Variants in CARNMT1 observed in about 807,000 individuals in gnomAD.
The protein encoded by CARNMT1 is carnosine N-methyltransferase 1, also known as protein-L-histidine N-pros-methyltransferase CARNMT1.
A neutral mutation model predicts 49.6 loss-of-function variants in CARNMT1; 28 were observed. The ratio of observed to expected loss-of-function variants is 0.56; its 90% CI spans 0.42 to 0.77. The LOEUF is 0.77. Among genes scored for constraint, CARNMT1 ranks in the 30% least tolerant of loss-of-function variants. The pLI is 0.00. For synonymous variants in CARNMT1, 178 were observed against 175.0 expected, an observed-to-expected ratio of 1.02 and a Z score of -0.13; for missense variants, 421 against 512.6, an observed-to-expected ratio of 0.82 and a Z score of 1.73.
intron 3 of CARNMT1, among the ~76,000 whole-genome samples, chr9:75,014,740 G>A (rs985163054): frequency 1.3e-5 from 2 of 152,066 alleles, no homozygotes; most frequent in African/African-American, 2.4e-5. Flanking sequence ...CCAGCTACTC[G>A]GGAGGCTGAG....
chr9:75,015,242 T>C (rs1349990545), intron 3 of CARNMT1, among the ~76,000 whole-genome samples: 1 of 152,216 alleles, frequency 6.6e-6, no homozygotes, highest in African/African-American at 2.4e-5. Context: ...TAGCAATACC[T>C]ATGACTTTAT....
chr9:75,007,431 A>G (rs1833542841), intron 3 of CARNMT1, among the ~76,000 whole-genome samples: 1 of 152,082 alleles, frequency 6.6e-6, no homozygotes, highest in Non-Finnish European at 1.5e-5. Context: ...ACCTTTAGAA[A>G]ACTTTAAGAA....
At chr9:75,015,943 T>C (rs1357854080) in intron 3 of CARNMT1, 5 of 188,200 alleles carry the variant, frequency 2.7e-5, no homozygotes, top group East Asian at 1.4e-4. Context: ...TTTACAACTA[T>C]GTCATAATGA....
intron 3 of CARNMT1, chr9:75,009,743 T>C (rs1342673879): frequency 2.0e-5 from 3 of 152,070 alleles, no homozygotes; most frequent in East Asian, 3.8e-4. Flanking sequence ...TTTTTTCTGG[T>C]CATTAATATT....
intron 1 of CARNMT1, among the ~76,000 whole-genome samples, chr9:75,018,346 G>A (rs963344426): frequency 1.3e-5 from 2 of 152,100 alleles, no homozygotes; most frequent in African/African-American, 4.8e-5. Context: ...TTACAGACAT[G>A]AGCCACCATG....
chr9:74,987,856 T>C (rs1359176688), intron 6 of CARNMT1, among the ~76,000 whole-genome samples: 2 of 152,022 alleles, frequency 1.3e-5, no homozygotes, highest in African/African-American at 4.8e-5. Context: ...TAATTTGATA[T>C]GGGGAAAATT....
rs369323445 is a variant in CARNMT1, at chr9:75,017,433, C to T, written c.246G>A (p.Glu82=). ...ACTGTCTTTCTGTTCGGTTCACCCG[C>T]TCATGCATACTGGTGCTAAAACATA... ...AFRYYGTSMH[E]RVNRTERQFR... Residue 82 remains glutamate (E), a synonymous_variant, in exon 2 of 8, where the codon GAG becomes GAA. Coordinates refer to ENST00000376834, the MANE Select transcript of CARNMT1 (RefSeq NM_152420.3). The T allele has an allele frequency of 1.9e-6, 3 of 1,613,640 alleles. No homozygotes were observed. Among genetic ancestry groups the T allele is most frequent in the Non-Finnish European group, 2.5e-6 (3 of 1,179,868 alleles).
At chr9:75,027,056 C>G in intron 1 of CARNMT1, 1 of 1,303,640 alleles carries the variant, frequency 7.7e-7, no homozygotes, top group South Asian at 1.2e-5. Flanking sequence ...GGTTTACCTG[C>G]GTAGGAGGTC....
chr9:75,008,598 G>A lies in CARNMT1; in HGVS notation c.590+7670C>T, dbSNP rs552401542. On this transcript the variant is annotated intron_variant, in intron 3 of 7. Coordinates refer to ENST00000376834, the MANE Select transcript of CARNMT1 (RefSeq NM_152420.3). ...TGGGATTACAGGCATGAGCCACCAC[G>A]CCTGGCCACATATGAATAAATCTAA... 1.4e-4 allele frequency among the ~76,000 whole-genome samples: 22 copies of A among 152,226 alleles called. No homozygotes were observed. In the East Asian group the frequency reaches 3.3e-3, roughly 23 times the overall value.
chr9:74,991,843 A>G lies in CARNMT1; in HGVS notation c.1024+4604T>C, dbSNP rs188680505. ...TACCCCAACTTCTAAAAACTGGCAC[A>G]TTATTTTGTCCCCCAGTAACATGCC... On this transcript the variant is annotated intron_variant, in intron 6 of 7. Coordinates refer to ENST00000376834, the MANE Select transcript of CARNMT1 (RefSeq NM_152420.3). 5.9e-5 allele frequency among the ~76,000 whole-genome samples: 9 copies of G among 152,210 alleles called. No individual in the cohort carries two copies. The East Asian group carries it at 1.2e-3, about 20-fold the overall frequency.
chr9:74,984,159 T>C (rs1037761422), intron 7 of CARNMT1, among the ~76,000 whole-genome samples: 1 of 152,198 alleles, frequency 6.6e-6, no homozygotes, highest in African/African-American at 2.4e-5. Context: ...GTTTCTAAAA[T>C]GGAATGCTTC....
chr9:74,985,395 G>A (rs1832803136), intron 6 of CARNMT1, among the ~76,000 whole-genome samples: 1 of 152,188 alleles, frequency 6.6e-6, no homozygotes, highest in African/African-American at 2.4e-5. Context: ...GAAAACAAAG[G>A]AGGAGCCTCA....
intron 1 of CARNMT1, among the ~76,000 whole-genome samples, chr9:75,018,115 G>A (rs1043059236): frequency 1.3e-5 from 2 of 152,116 alleles, no homozygotes; most frequent in Admixed American, 1.3e-4. Context: ...AGGCTGGAAT[G>A]CAGTGGCACA....
intron 3 of CARNMT1, among the ~76,000 whole-genome samples, chr9:75,014,793 G>A (rs1833797540): frequency 6.6e-6 from 1 of 151,940 alleles, no homozygotes; most frequent in East Asian, 1.9e-4. Flanking sequence ...GTTGCAGTAA[G>A]CAGCGCCACT....
At chr9:75,016,193 C>T in intron 3 of CARNMT1, 75 bp downstream of exon 3, 1 of 1,137,686 alleles carries the variant, frequency 8.8e-7, no homozygotes, top group Non-Finnish European at 1.3e-6. Context: ...TGAAGCGAGA[C>T]TGTGAAACAT....
In CARNMT1 at chr9:74,996,489, T is replaced by C; in HGVS notation, c.982A>G (p.Ile328Val). Residue 328 changes from isoleucine to valine, a missense_variant, in exon 6 of 8, where the codon ATA (isoleucine) becomes GTA (valine). Ile to Val is a conservative substitution (Grantham distance 29, BLOSUM62 3). This residue lies in a region of CARNMT1 where 235 missense variants were observed against 344.8 expected (regional missense o/e 0.68). Transcript: ENST00000376834. ...CCACCTGGCTTGAGTATTTTCCATA[T>C]TGTATCAATATAATCAATTACATTG... is the stretch of plus-strand genomic sequence containing the variant. ...AHNVIDYIDT[I>V]WKILKPGGIW... 6.2e-7 allele frequency: 1 copy of C among 1,607,960 alleles called. No homozygotes were observed. The highest frequency in any genetic ancestry group is 1.7e-5 in the Admixed American group (1 of 58,978).
At chr9:74,986,306 C>T (rs879381528) in intron 6 of CARNMT1, among the ~76,000 whole-genome samples, 1 of 152,172 alleles carries the variant, frequency 6.6e-6, no homozygotes, top group African/African-American at 2.4e-5. Context: ...AAAAGTTTTT[C>T]TTTCTCTCTC....
chr9:75,018,969 A>T (rs1030005751), intron 1 of CARNMT1, among the ~76,000 whole-genome samples: 14 of 96,860 alleles, frequency 1.4e-4, no homozygotes, highest in East Asian at 7.7e-4. Flanking sequence ...TCCATCTCAT[A>T]AAAAAAAAAA....
In CARNMT1 at chr9:75,028,064, TCTCCTC is replaced by T. The variant is rs772552928; in HGVS notation, c.172_177del (p.Glu58_Glu59del). 2 of 1,577,626 alleles carry T rather than the reference TCTCCTC, an allele frequency of 1.3e-6. No homozygotes were observed. Among genetic ancestry groups the T allele is most frequent in the Non-Finnish European group, 8.6e-7 (1 of 1,164,346 alleles). On this transcript the variant is annotated inframe_deletion, in exon 1 of 8. Coordinates refer to ENST00000376834, the MANE Select transcript of CARNMT1 (RefSeq NM_152420.3). The stretch of plus-strand genomic sequence containing the variant: ...TTCCAGAAGTGCTCACGCTCAAGCC[TCTCCTC>T]CTCCTCCTCGGTGCTGCGCGTGGCC...
Sources: gnomAD v4.1 joint callset for allele counts (sites outside exome capture counted in the v4.1 genomes callset) on GRCh38, gnomAD v4.1.1 for gene constraint, gnomAD v4.1.1 regional missense constraint, MANE v1.5 for transcripts, NCBI Gene and HGNC (gene_info 2026-07-23, HGNC 2026-07-21) for gene names.